The following SNX27 variants were observed in gnomAD, a reference collection of about 807,000 sequenced individuals.
SNX27 encodes the protein sorting nexin-27.
A neutral mutation model predicts 71.6 loss-of-function variants in SNX27; 22 were observed. The ratio of observed to expected loss-of-function variants is 0.31; its 90% CI spans 0.22 to 0.44. The LOEUF is 0.44. Among genes scored for constraint, SNX27 ranks in the 20% least tolerant of loss-of-function variants. The pLI, the probability that SNX27 is intolerant of heterozygous loss-of-function variation, is 1.00. For synonymous variants in SNX27, 269 were observed against 277.2 expected (o/e 0.97, Z 0.29); for missense variants, 531 against 698.6 (o/e 0.76, Z 2.70).
intron 7 of SNX27, chr1:151,677,664 C>T (rs1670758324): frequency 1.3e-5 from 2 of 151,776 alleles, no homozygotes; most frequent in Non-Finnish European, 2.9e-5. Context: ...CTTGACCTCC[C>T]AAAGCACTGA....
At chr1:151,645,790 G>A (rs1669008322) in intron 2 of SNX27, among the ~76,000 whole-genome samples, 1 of 152,204 alleles carries the variant, frequency 6.6e-6, no homozygotes, top group African/African-American at 2.4e-5. Flanking sequence ...GCAGGGCAAA[G>A]CCCTCTTAAT....
chr1:151,647,224 C>T (rs1053155188), intron 2 of SNX27, among the ~76,000 whole-genome samples: 7 of 150,946 alleles, frequency 4.6e-5, no homozygotes, highest in African/African-American at 1.7e-4. Context: ...GATCTCAGCT[C>T]ACCACAACTT....
At chr1:151,681,285 A>C (rs1485402044) in intron 7 of SNX27, among the ~76,000 whole-genome samples, 3 of 105,454 alleles carry the variant, frequency 2.8e-5, no homozygotes, top group African/African-American at 7.2e-5. Flanking sequence ...TCTGTCACCC[A>C]GGCTGGAGTG....
rs962112927 is a variant in SNX27, at chr1:151,631,451, A to T, written c.312-7437A>T. Among the ~76,000 whole-genome samples, 8 of 152,150 alleles carry T rather than the reference A, an allele frequency of 5.3e-5. 1 individual carries two copies. The highest frequency in any genetic ancestry group is 5.2e-4 in the Admixed American group (8 of 15,266). On this transcript the variant is annotated intron_variant, in intron 1 of 11. Coordinates refer to ENST00000458013, the MANE Select transcript of SNX27 (RefSeq NM_001330723.2). ...ACTCAACTATTTTTGTATTTTACAT[A>T]ATGTGCCTTATGGGCTAAAATAGAA...
chr1:151,635,741 T>C (rs1037645621), intron 1 of SNX27, among the ~76,000 whole-genome samples: 2 of 152,202 alleles, frequency 1.3e-5, no homozygotes, highest in African/African-American at 4.8e-5. Flanking sequence ...CAGATAAATA[T>C]TAGCAAGTCT....
intron 1 of SNX27, among the ~76,000 whole-genome samples, chr1:151,620,781 C>T (rs551418425): frequency 1.3e-5 from 2 of 151,790 alleles, no homozygotes; most frequent in South Asian, 4.2e-4. Context: ...CCTCAGCCTC[C>T]CAGGTTCAAG....
chr1:151,659,077 C>G (rs926733315), intron 3 of SNX27, among the ~76,000 whole-genome samples: 9 of 152,120 alleles, frequency 5.9e-5, no homozygotes, highest in African/African-American at 1.4e-4. Flanking sequence ...ATATTTAAGA[C>G]ATTTTCATTA....
At chr1:151,644,415 T>G (rs1668933146) in intron 2 of SNX27, among the ~76,000 whole-genome samples, 1 of 152,224 alleles carries the variant, frequency 6.6e-6, no homozygotes, top group African/African-American at 2.4e-5. Flanking sequence ...CTTCTTTCAC[T>G]CAGCATAATA....
At chr1:151,658,926 C>T (rs1168695443) in intron 3 of SNX27, among the ~76,000 whole-genome samples, 3 of 152,136 alleles carry the variant, frequency 2.0e-5, no homozygotes, top group Non-Finnish European at 4.4e-5. Flanking sequence ...CCTCGTGATC[C>T]GCCCACCTCG....
At chr1:151,614,862 A>C (rs1401789541) in intron 1 of SNX27, among the ~76,000 whole-genome samples, 2 of 152,242 alleles carry the variant, frequency 1.3e-5, no homozygotes, top group Non-Finnish European at 2.9e-5. Context: ...ATTCTGTAGG[A>C]GACTATAGTT....
Position 151,658,231 on chromosome 1 carries a change from C to A in SNX27, c.544-4C>A, listed in dbSNP as rs537057675. Reference sequence around the variant, plus strand: ...GCTTTTCTTTTGTTCTTCTCCTTCACCAGGTATATAATGTTTACATGGCAG... The same window carrying A: ...GCTTTTCTTTTGTTCTTCTCCTTCAACAGGTATATAATGTTTACATGGCAG... On this transcript the variant is annotated splice_polypyrimidine_tract_variant and splice_region_variant and intron_variant, in intron 2 of 11. Coordinates refer to ENST00000458013, the MANE Select transcript of SNX27 (RefSeq NM_001330723.2). The A allele has an allele frequency of 3.8e-6, 6 of 1,588,668 alleles. No homozygotes were observed. The highest frequency in any genetic ancestry group is 5.1e-6 in the Non-Finnish European group (6 of 1,169,758).
intron 2 of SNX27, among the ~76,000 whole-genome samples, chr1:151,642,800 G>A (rs1216020175): frequency 3.3e-5 from 5 of 151,752 alleles, no homozygotes; most frequent in South Asian, 2.1e-4. Context: ...CACCATGTCC[G>A]GCTAATTTTT....
At position 151,636,665 on chromosome 1, in the gene SNX27, G is replaced by GT. The variant is rs1668468696; in HGVS notation, c.312-2222dup. ...TAAGGTGTCAGCTTTTTCCACTTTT[G>GT]TAAAAAAAAAAAAAAAAAAAAAAAA... On this transcript the variant is annotated intron_variant, in intron 1 of 11. Coordinates refer to ENST00000458013, the MANE Select transcript of SNX27 (RefSeq NM_001330723.2). Among the ~76,000 whole-genome samples the GT allele has an allele frequency of 7.4e-4, 22 of 29,638 alleles. No homozygotes were observed. In the South Asian group the frequency reaches 0.019, roughly 26 times the overall value. The allele number at this position is 29,638 out of a possible 152,430, so 19.4% of individuals were successfully genotyped here.
intron 1 of SNX27, among the ~76,000 whole-genome samples, chr1:151,637,146 T>G (rs1371741625): frequency 1.5e-5 from 2 of 131,550 alleles, no homozygotes; most frequent in Non-Finnish European, 3.3e-5. Context: ...TGATCAGAGT[T>G]GATCACGTTT....
chr1:151,692,544 A>G lies in SNX27; in HGVS notation c.1349A>G (p.His450Arg). The G allele has an allele frequency of 6.2e-7, 1 of 1,612,218 alleles. No homozygotes were observed. Among genetic ancestry groups the G allele is most frequent in the East Asian group, 2.2e-5 (1 of 44,798 alleles). The change falls in exon 9 of 12, where the codon CAC (histidine) becomes CGC (arginine). Residue 450 changes from histidine (H) to arginine (R), a missense_variant. By Grantham distance (29) the His-to-Arg change is conservative. Around this residue, in one of 5 missense-constraint regions of SNX27, gnomAD observed 157 missense variants for 178.4 expected, o/e 0.88. Transcript: ENST00000458013. ...GTTATCACAGCCATCAGCATCACGC[A>G]CTTTAAACTGCATGCCTGCACTGAA... ...GHVITAISIT[H>R]FKLHACTEEG...
At chr1:151,691,223 C>T (rs1247142900) in intron 8 of SNX27, among the ~76,000 whole-genome samples, 1 of 151,896 alleles carries the variant, frequency 6.6e-6, no homozygotes, top group Admixed American at 6.6e-5. Flanking sequence ...GTGGAGCTTG[C>T]AGTGAGCCGA....
At chr1:151,637,885 T>C (rs1668540788) in intron 1 of SNX27, among the ~76,000 whole-genome samples, 1 of 152,236 alleles carries the variant, frequency 6.6e-6, no homozygotes, top group South Asian at 2.1e-4. Flanking sequence ...GTAGATAAGC[T>C]TTAAATGTTA....
At chr1:151,674,040 T>G (rs1670556818) in intron 7 of SNX27, among the ~76,000 whole-genome samples, 1 of 152,158 alleles carries the variant, frequency 6.6e-6, no homozygotes, top group Admixed American at 6.5e-5. Flanking sequence ...TTGCATTCAG[T>G]GTTCCTATTG....
chr1:151,664,107 T>G (rs929864088), intron 5 of SNX27, among the ~76,000 whole-genome samples: 1 of 147,532 alleles, frequency 6.8e-6, no homozygotes, highest in Non-Finnish European at 1.5e-5. Context: ...TAAATATAAT[T>G]ATATATATTA....
Sources: gnomAD v4.1 joint callset for allele counts (sites outside exome capture counted in the v4.1 genomes callset) on GRCh38, gnomAD v4.1.1 for gene constraint, gnomAD v4.1.1 regional missense constraint, MANE v1.5 for transcripts, NCBI Gene and HGNC (gene_info 2026-07-23, HGNC 2026-07-21) for gene names.